The following KANK1 variants were observed in gnomAD, a reference collection of about 807,000 sequenced individuals.
KANK1 encodes the protein KN motif and ankyrin repeat domains 1, also known as KN motif and ankyrin repeat domain-containing protein 1.
KANK1 carries 109 observed loss-of-function variants against 106.2 expected under a neutral mutation model. That is an observed-to-expected ratio of 1.03 (90% CI 0.88 to 1.20). The LOEUF (loss-of-function observed/expected upper bound fraction) is 1.20, where lower values mean the gene tolerates loss of function less well. Among genes scored for constraint, KANK1 ranks in the 50% most tolerant of loss-of-function variants. KANK1 has a pLI of 0.00. For synonymous variants in KANK1, 873 were observed against 652.2 expected (o/e 1.34, Z -5.16); for missense variants, 2,399 against 1,710.7 (o/e 1.40, Z -7.10).
intron 1 of KANK1, among the ~76,000 whole-genome samples, chr9:534,614 G>C (rs985764659): frequency 6.6e-6 from 1 of 152,110 alleles, no homozygotes; most frequent in African/African-American, 2.4e-5. Context: ...TCTTAGTTAT[G>C]CAGCAGCCTA....
chr9:574,838 G>A lies in KANK1; in HGVS notation c.-84+70084G>A, dbSNP rs148680867. ...CCACTGCACTCCAACTTAGGTGACA[G>A]AGTGAGACTCCGTCTCAAAAAAAAA... is the stretch of plus-strand genomic sequence containing the variant. On this transcript the variant is annotated intron_variant, in intron 1 of 11. Coordinates refer to ENST00000382297, the MANE Select transcript of KANK1 (RefSeq NM_015158.5). Among the ~76,000 whole-genome samples the A allele has an allele frequency of 6.3e-3, 908 of 143,952 alleles. 16 individuals are homozygous for A. The highest frequency in any genetic ancestry group is 0.023 in the African/African-American group (864 of 37,362). 94.4% of individuals were successfully genotyped at this position (143,952 alleles called of 152,430 possible).
intron 2 of KANK1, among the ~76,000 whole-genome samples, chr9:696,002 C>T (rs1821171247): frequency 6.6e-6 from 1 of 152,128 alleles, no homozygotes; most frequent in South Asian, 2.1e-4. Context: ...AACATAAATA[C>T]TGCTTGAGGG....
At chr9:495,779 C>A (rs2058450858) in intron 3 of KANK1, among the ~76,000 whole-genome samples, 1 of 152,118 alleles carries the variant, frequency 6.6e-6, no homozygotes. Flanking sequence ...TTTTTATCTC[C>A]CATTAAAGTT....
chr9:534,379 G>A (rs148630199), intron 1 of KANK1, among the ~76,000 whole-genome samples: 212 of 152,262 alleles, frequency 1.4e-3, no homozygotes, highest in African/African-American at 5.1e-3. Flanking sequence ...ACATTGCTGG[G>A]GAGGCTGTGG....
chr9:610,090 G>A (rs561896890), intron 1 of KANK1, among the ~76,000 whole-genome samples: 4 of 152,118 alleles, frequency 2.6e-5, no homozygotes, highest in Non-Finnish European at 5.9e-5. Context: ...AATTTAGATC[G>A]TGTCTAATTC....
At chr9:486,758 C>T (rs992591470) in intron 3 of KANK1, among the ~76,000 whole-genome samples, 50 of 152,272 alleles carry the variant, frequency 3.3e-4, no homozygotes, top group African/African-American at 1.2e-3. Flanking sequence ...GCAAAAACCT[C>T]AAATATTTTC....
chr9:624,734 G>C (rs1263223658), intron 1 of KANK1, among the ~76,000 whole-genome samples: 3 of 152,178 alleles, frequency 2.0e-5, no homozygotes, highest in Non-Finnish European at 4.4e-5. Context: ...GGGAGGTGGA[G>C]GGTGCAGTGA....
chr9:494,196 T>C (rs1291069514), intron 3 of KANK1, among the ~76,000 whole-genome samples: 2 of 152,216 alleles, frequency 1.3e-5, no homozygotes, highest in African/African-American at 2.4e-5. Context: ...TTTTAAGTTT[T>C]CATAAACTTT....
At chr9:495,330 G>A (rs1187583002) in intron 3 of KANK1, 3 of 152,042 alleles carry the variant, frequency 2.0e-5, no homozygotes, top group African/African-American at 4.8e-5. Flanking sequence ...GTTGAAATTC[G>A]GGACTATGTT....
chr9:671,318 A>C (rs981026816), intron 1 of KANK1, among the ~76,000 whole-genome samples: 3 of 151,890 alleles, frequency 2.0e-5, no homozygotes, highest in Admixed American at 6.6e-5. Flanking sequence ...GTTGATAATC[A>C]AGCCTGCTCT....
upstream of KANK1, among the ~76,000 whole-genome samples, chr9:501,619 C>G (rs1198578839): frequency 7.0e-6 from 1 of 143,416 alleles, no homozygotes; most frequent in Non-Finnish European, 1.5e-5. Flanking sequence ...GACATACACA[C>G]ACACACACAC....
chr9:484,383 CAA>C (rs1354316988), intron 3 of KANK1: 1 of 152,158 alleles, frequency 6.6e-6, no homozygotes, highest in Non-Finnish European at 1.5e-5. Flanking sequence ...ATTAAAAGAA[CAA>C]GAGATGTAGA....
intron 2 of KANK1, among the ~76,000 whole-genome samples, chr9:685,260 A>G (rs1818325260): frequency 6.6e-6 from 1 of 152,350 alleles, no homozygotes; most frequent in East Asian, 1.9e-4. Context: ...GTAGTTCTAT[A>G]CGATGAGTTA....
At chr9:515,334 G>C (rs1469354087) in intron 1 of KANK1, among the ~76,000 whole-genome samples, 1 of 143,926 alleles carries the variant, frequency 6.9e-6, no homozygotes, top group African/African-American at 2.7e-5. Context: ...GAAAGAGCAA[G>C]ACTCCTTCTC....
chr9:520,532 T>TA (rs989824282), intron 1 of KANK1, among the ~76,000 whole-genome samples: 13 of 151,714 alleles, frequency 8.6e-5, no homozygotes, highest in African/African-American at 3.2e-4. Context: ...CAATGGGGGA[T>TA]ATAATCCTCT....
intron 1 of KANK1, among the ~76,000 whole-genome samples, chr9:663,756 C>T (rs1843915268): frequency 6.6e-6 from 1 of 152,172 alleles, no homozygotes; most frequent in Non-Finnish European, 1.5e-5. Context: ...GCACGGGATT[C>T]TGAAAGCATT....
At chr9:700,785 G>A (rs1822467540) in intron 2 of KANK1, among the ~76,000 whole-genome samples, 1 of 152,188 alleles carries the variant, frequency 6.6e-6, no homozygotes, top group Admixed American at 6.5e-5. Flanking sequence ...CATAAATAGT[G>A]TGTGAAAGTT....
At position 677,084 on chromosome 9, in the gene KANK1, T is replaced by G. The variant is rs1816561009; in HGVS notation, c.37+75T>G. 3 of 1,342,690 alleles carry G rather than the reference T, an allele frequency of 2.2e-6. No homozygotes were observed. The South Asian group carries it at 3.7e-5, about 16-fold the overall frequency. 83.2% of individuals were successfully genotyped at this position (1,342,690 alleles called of 1,614,324 possible). On this transcript the variant is annotated intron_variant, in intron 2 of 11. Coordinates refer to ENST00000382297, the MANE Select transcript of KANK1 (RefSeq NM_015158.5). ...ACTAATTTTTTATTCTCTTTAATAATGAACGGATAATAGCAAGTTGCCTAG... is the reference window on the plus strand; with the variant it reads ...ACTAATTTTTTATTCTCTTTAATAAGGAACGGATAATAGCAAGTTGCCTAG...
chr9:673,790 T>C (rs1815790018), intron 1 of KANK1: 1 of 152,026 alleles, frequency 6.6e-6, no homozygotes, highest in Non-Finnish European at 1.5e-5. Flanking sequence ...CTTCTTGTCT[T>C]CTGTTTGCCT....
Sources: gnomAD v4.1 joint callset for allele counts (sites outside exome capture counted in the v4.1 genomes callset) on GRCh38, gnomAD v4.1.1 for gene constraint, MANE v1.5 for transcripts, NCBI Gene and HGNC (gene_info 2026-07-23, HGNC 2026-07-21) for gene names.